The following PLCE1 variants were observed in gnomAD, a reference collection of about 807,000 sequenced individuals.
PLCE1 encodes the protein 1-phosphatidylinositol 4,5-bisphosphate phosphodiesterase epsilon-1.
A neutral mutation model predicts 242.8 loss-of-function variants in PLCE1; 119 were observed. That is an observed-to-expected ratio of 0.49 (90% confidence interval 0.42 to 0.57). The LOEUF is 0.57. PLCE1 is among the 20% of genes least tolerant of loss of function. PLCE1 has a pLI of 0.00. For missense variants in PLCE1, 2,441 were observed against 2,788.8 expected, an observed-to-expected ratio of 0.88 and a Z score of 2.81; for synonymous variants, 945 against 1,017.4, an observed-to-expected ratio of 0.93 and a Z score of 1.35.
chr10:94,264,932 A>G (rs958374461), intron 14 of PLCE1, among the ~76,000 whole-genome samples: 8 of 152,214 alleles, frequency 5.3e-5, no homozygotes, highest in Non-Finnish European at 1.0e-4. Flanking sequence ...GTTTGAGGCC[A>G]GGCTGGGCAA....
At chr10:94,283,569 C>T (rs1326410109) in intron 20 of PLCE1, 6 of 428,506 alleles carry the variant, frequency 1.4e-5, no homozygotes, top group Non-Finnish European at 2.7e-5. Flanking sequence ...ATATAAGTGA[C>T]AAAAACTACT....
chr10:94,145,929 G>A (rs2047098842), intron 3 of PLCE1, among the ~76,000 whole-genome samples: 1 of 152,042 alleles, frequency 6.6e-6, no homozygotes, highest in Non-Finnish European at 1.5e-5. Flanking sequence ...TTCCAAGCAG[G>A]GAAAGCAAGT....
intron 4 of PLCE1, among the ~76,000 whole-genome samples, chr10:94,172,099 A>C (rs1226968403): frequency 2.0e-5 from 3 of 152,128 alleles, no homozygotes; most frequent in Non-Finnish European, 4.4e-5. Context: ...GACAGGTGTG[A>C]CTGGAGTCTG....
At chr10:94,181,342 A>G (rs1288400438) in intron 4 of PLCE1, among the ~76,000 whole-genome samples, 1 of 152,022 alleles carries the variant, frequency 6.6e-6, no homozygotes, top group African/African-American at 2.4e-5. Context: ...GGAGGCCAAC[A>G]TGGGTGGATC....
intron 4 of PLCE1, among the ~76,000 whole-genome samples, chr10:94,184,317 CAACTT>C (rs2048403175): frequency 6.6e-6 from 1 of 152,090 alleles, no homozygotes; most frequent in Non-Finnish European, 1.5e-5. Flanking sequence ...CCTACTTCTC[CAACTT>C]AACTTTATTT....
At chr10:94,160,414 C>A (rs1192697547) in intron 3 of PLCE1, among the ~76,000 whole-genome samples, 2 of 152,160 alleles carry the variant, frequency 1.3e-5, no homozygotes, top group Non-Finnish European at 2.9e-5. Flanking sequence ...GCATAAATGT[C>A]TTCTTTTGAG....
In PLCE1 at chr10:94,031,040, G is replaced by A; in HGVS notation, c.-7G>A. ...AGCAATAGTCAAAACCTGTGTGTTA[G>A]TCCAAGATGACTTCTGAAGAAATGA... On this transcript the variant is annotated 5_prime_UTR_variant, in exon 2 of 33. Coordinates refer to ENST00000371380, the MANE Select transcript of PLCE1 (RefSeq NM_016341.4). The A allele has an allele frequency of 9.3e-6, 15 of 1,613,510 alleles. No homozygotes were observed. Among genetic ancestry groups the A allele is most frequent in the Non-Finnish European group, 1.3e-5 (15 of 1,179,574 alleles).
chr10:94,058,846 C>G (rs2043973875), intron 2 of PLCE1, among the ~76,000 whole-genome samples: 1 of 152,014 alleles, frequency 6.6e-6, no homozygotes, highest in Admixed American at 6.6e-5. Context: ...ACAACCTTGC[C>G]AAAAATAAAA....
intron 23 of PLCE1, among the ~76,000 whole-genome samples, chr10:94,297,679 C>T (rs973015887): frequency 6.9e-6 from 1 of 145,750 alleles, no homozygotes; most frequent in African/African-American, 2.5e-5. Context: ...ACAAGGTATG[C>T]CTGTATAACC....
intron 27 of PLCE1, among the ~76,000 whole-genome samples, chr10:94,310,537 C>T (rs56041302): frequency 0.018 from 2,812 of 152,190 alleles, 31 homozygotes; most frequent in South Asian, 0.041. Flanking sequence ...GCACTTTGGC[C>T]AAAGTGGAGG....
intron 2 of PLCE1, chr10:94,104,509 G>A (rs1227081295): frequency 1.3e-5 from 2 of 152,218 alleles, no homozygotes; most frequent in Non-Finnish European, 2.9e-5. Flanking sequence ...ATGAGTCAGA[G>A]CCTGTTTATT....
At chr10:94,186,609 C>CTTAT (rs767121177) in intron 4 of PLCE1, among the ~76,000 whole-genome samples, 35 of 152,112 alleles carry the variant, frequency 2.3e-4, no homozygotes, top group Non-Finnish European at 3.8e-4. Flanking sequence ...AATAGAAAGC[C>CTTAT]TTATGGCATG....
At chr10:94,171,637 CCAGGCAAAGAGACAGA>C (rs2047982676) in intron 4 of PLCE1, 141 bp downstream of exon 4, 1 of 745,134 alleles carries the variant, frequency 1.3e-6, no homozygotes, top group Admixed American at 2.0e-5. Flanking sequence ...GTTTTTCTTT[CCAGGCAAAGAGACAGA>C]CATCACATTG....
intron 2 of PLCE1, among the ~76,000 whole-genome samples, chr10:94,032,637 T>A (rs961035668): frequency 2.6e-5 from 4 of 152,134 alleles, no homozygotes; most frequent in African/African-American, 9.7e-5. Flanking sequence ...TAATTCTGTT[T>A]TTTTTCATTT....
chr10:94,207,210 G>A (rs907834383), intron 4 of PLCE1, among the ~76,000 whole-genome samples: 9 of 152,106 alleles, frequency 5.9e-5, no homozygotes, highest in Admixed American at 3.3e-4. Context: ...CGTCAGGAGC[G>A]TGCCCCCAGC....
chr10:94,043,420 T>C lies in PLCE1; in HGVS notation c.1206+11168T>C, dbSNP rs917643077. Among the ~76,000 whole-genome samples, 5 of 152,204 alleles carry C rather than the reference T, an allele frequency of 3.3e-5. No homozygotes were observed. The East Asian group carries it at 9.6e-4, about 29-fold the overall frequency. ...ACTTCATTTTATCCCTATGTTTTAA[T>C]AGAATAAGGAATAGAGAATCAATTT... On this transcript the variant is annotated intron_variant, in intron 2 of 32. Coordinates refer to ENST00000371380, the MANE Select transcript of PLCE1 (RefSeq NM_016341.4).
chr10:94,310,643 C>T (rs1447450622), intron 27 of PLCE1, among the ~76,000 whole-genome samples: 4 of 152,184 alleles, frequency 2.6e-5, no homozygotes, highest in Non-Finnish European at 5.9e-5. Context: ...AAAGGCAGAG[C>T]AGGGCCAAAT....
chr10:94,221,028 C>A (rs771538754), intron 4 of PLCE1, among the ~76,000 whole-genome samples: 5 of 152,148 alleles, frequency 3.3e-5, no homozygotes, highest in African/African-American at 1.2e-4. Context: ...TACAATTTTG[C>A]GCTGGTACTA....
At position 94,324,494 on chromosome 10, in the gene PLCE1, AGTGTGT is replaced by A; in HGVS notation, c.6650_6655del (p.Cys2217_Val2218del). On this transcript the variant is annotated inframe_deletion, in exon 31 of 33. Transcript: ENST00000371380. ...TCTCAGCGGGTCCTTCTGGATCAGG[AGTGTGT>A]GTTTCAAGCCCAAAGCAAGTGGAAA... The A allele has an allele frequency of 1.9e-6, 3 of 1,614,164 alleles. No individual in the cohort carries two copies. The highest frequency in any genetic ancestry group is 2.5e-6 in the Non-Finnish European group (3 of 1,180,026).
Sources: allele counts gnomAD v4.1 joint callset (sites outside exome capture counted in the v4.1 genomes callset), GRCh38; gene constraint gnomAD v4.1.1; transcripts MANE v1.5; gene names NCBI Gene and HGNC (gene_info 2026-07-23, HGNC 2026-07-21).